The following CGA variants were observed in gnomAD, a reference collection of about 807,000 sequenced individuals.
CGA encodes the protein glycoprotein hormones alpha chain.
In CGA, 4 loss-of-function variants were observed where a neutral mutation model predicts 12.0. The ratio of observed to expected loss-of-function variants is 0.33; its 90% confidence interval spans 0.16 to 0.76. CGA has a LOEUF of 0.76. CGA is among the 30% of genes least tolerant of loss of function. The pLI, the probability that CGA is intolerant of heterozygous loss-of-function variation, is 0.60. For missense variants in CGA, 102 were observed against 143.5 expected (o/e 0.71, Z 1.48); for synonymous variants, 60 against 56.6 (o/e 1.06, Z -0.27).
Position 87,085,837 on chromosome 6 carries a change from A to C in CGA, c.274-4T>G. 1 of 1,591,582 alleles carries C rather than the reference A, an allele frequency of 6.3e-7. No homozygotes were observed. The highest frequency in any genetic ancestry group is 2.2e-5 in the East Asian group (1 of 44,736). On this transcript the variant is annotated splice_region_variant and splice_polypyrimidine_tract_variant and intron_variant, in intron 3 of 3. Transcript: ENST00000627148. The stretch of plus-strand genomic sequence containing the variant: ...TGAAACCCCCCATTACTGTGACCTA[A>C]AGGGGAAGGAAAAAAAAACATATTA...
At chr6:87,091,880 A>G (rs1769438769) in intron 1 of CGA, among the ~76,000 whole-genome samples, 1 of 152,214 alleles carries the variant, frequency 6.6e-6, no homozygotes, top group Non-Finnish European at 1.5e-5. Flanking sequence ...GTACACGTCT[A>G]TCTCTTCATC....
At position 87,086,253 on chromosome 6, in the gene CGA, G is replaced by A. The variant is rs1472279416; in HGVS notation, c.270C>T (p.Asn90=). 1 of 1,610,740 alleles carries A rather than the reference G, an allele frequency of 6.2e-7. No individual in the cohort carries two copies. The highest frequency in any genetic ancestry group is 8.5e-7 in the Non-Finnish European group (1 of 1,178,764). ...CTGGGGATCTTGAGGTTCTTACCCTGTTATATGATTTAGCTACACAGCAAG... is the reference window on the plus strand; with the variant it reads ...CTGGGGATCTTGAGGTTCTTACCCTATTATATGATTTAGCTACACAGCAAG... The part of the protein sequence containing the change: ...ESTCCVAKSY[N]RVTVMGGFKV... Residue 90 remains asparagine (N), a synonymous_variant, in exon 3 of 4, where the codon AAC becomes AAT. Coordinates refer to ENST00000627148, the MANE Select transcript of CGA (RefSeq NM_000735.4).
intron 1 of CGA, among the ~76,000 whole-genome samples, chr6:87,094,505 T>C (rs940850548): frequency 6.6e-6 from 1 of 152,188 alleles, no homozygotes; most frequent in Non-Finnish European, 1.5e-5. Context: ...AACAACGACA[T>C]TCAAGAAATT....
rs1322084998 is a variant in CGA, at chr6:87,085,851, A to C, written c.274-18T>G. ...ACTGTGACCTAAAGGGGAAGGAAAA[A>C]AAAACATATTATAGATTAGATGATA... On this transcript the variant is annotated intron_variant, in intron 3 of 3. Coordinates refer to ENST00000627148, the MANE Select transcript of CGA (RefSeq NM_000735.4). 1 of 1,532,608 alleles carries C rather than the reference A, an allele frequency of 6.5e-7. No homozygotes were observed. Among genetic ancestry groups the C allele is most frequent in the African/African-American group, 1.4e-5 (1 of 73,300 alleles). The allele number at this position is 1,532,608 out of a possible 1,614,324, so 94.9% of individuals were successfully genotyped here. A position where few individuals can be genotyped will look rare whatever the true frequency, so the allele number is the denominator to read the frequency against.
intron 1 of CGA, among the ~76,000 whole-genome samples, chr6:87,090,437 A>G (rs566409372): frequency 6.6e-5 from 10 of 152,270 alleles, no homozygotes; most frequent in African/African-American, 2.4e-4. Flanking sequence ...AGAGTTTTGC[A>G]AAAGGGTAAA....
intron 1 of CGA, among the ~76,000 whole-genome samples, chr6:87,093,020 A>G (rs964470470): frequency 2.6e-5 from 4 of 151,998 alleles, no homozygotes; most frequent in Non-Finnish European, 5.9e-5. Context: ...CTCAAGTGAT[A>G]TCCCCGGCTC....
chr6:87,088,100 T>C lies in CGA; in HGVS notation c.88+13A>G. 1 of 1,546,812 alleles carries C rather than the reference T, an allele frequency of 6.5e-7. No individual in the cohort carries two copies. The highest frequency in any genetic ancestry group is 1.2e-5 in the South Asian group (1 of 82,220). The stretch of plus-strand genomic sequence containing the variant: ...TTGTCCTTATTACTTGAACCACAAA[T>C]TTGGTCACGCACCCTGCACATCAGG... On this transcript the variant is annotated intron_variant, in intron 2 of 3. Coordinates refer to ENST00000627148, the MANE Select transcript of CGA (RefSeq NM_000735.4).
intron 3 of CGA, 40 bp downstream of exon 3, chr6:87,086,210 T>G: frequency 1.3e-6 from 2 of 1,550,544 alleles, no homozygotes; most frequent in East Asian, 2.2e-5. Context: ...TTTCTCTGAT[T>G]GGGCTGTTAG....
chr6:87,092,860 A>G (rs1769467067), intron 1 of CGA, among the ~76,000 whole-genome samples: 1 of 146,766 alleles, frequency 6.8e-6, no homozygotes, highest in Non-Finnish European at 1.5e-5. Flanking sequence ...TGATCCTCCC[A>G]TCTTAGCCTC....
At chr6:87,094,669 AT>A (rs1769503676) in intron 1 of CGA, among the ~76,000 whole-genome samples, 1 of 152,220 alleles carries the variant, frequency 6.6e-6, no homozygotes, top group African/African-American at 2.4e-5. Context: ...CAATATCATA[AT>A]GTCTACTTGC....
In CGA at chr6:87,085,774, A is replaced by G; in HGVS notation, c.333T>C (p.Cys111=). The G allele has an allele frequency of 6.2e-7, 1 of 1,611,588 alleles. No homozygotes were observed. Among genetic ancestry groups the G allele is most frequent in the Non-Finnish European group, 8.5e-7 (1 of 1,177,904 alleles). ...AAAACATTTAAGATTTGTGATAATA[A>G]CAAGTACTGCAGTGGCACGCCGTGT... The part of the protein sequence containing the change: ...ENHTACHCST[C]YYHKS The change falls in exon 4 of 4, where the codon TGT becomes TGC. Residue 111 remains cysteine, a synonymous_variant. Coordinates refer to ENST00000627148, the MANE Select transcript of CGA (RefSeq NM_000735.4).
At chr6:87,088,237 A>AC (rs548785071) in intron 1 of CGA, 30 bp from the exon 2 acceptor site, 2 of 398,522 alleles carry the variant, frequency 5.0e-6, no homozygotes, top group South Asian at 7.2e-5. Context: ...AAAAAAAAAA[A>AC]CAAAAAACAG....
intron 1 of CGA, chr6:87,088,936 CTT>C (rs1313388990): frequency 6.6e-6 from 1 of 152,112 alleles, no homozygotes; most frequent in African/African-American, 2.4e-5. Context: ...TCACACAAAA[CTT>C]ATATATAAAT....
intron 2 of CGA, among the ~76,000 whole-genome samples, chr6:87,086,992 T>G (rs1313803776): frequency 6.6e-6 from 1 of 151,772 alleles, no homozygotes; most frequent in Admixed American, 6.6e-5. Context: ...GGCAGAAGAA[T>G]CACTAGAACC....
At chr6:87,088,846 G>A (rs1769378146) in intron 1 of CGA, 1 of 152,170 alleles carries the variant, frequency 6.6e-6, no homozygotes, top group South Asian at 2.1e-4. Flanking sequence ...GGCAGTTTCT[G>A]ATAAAACTAA....
At position 87,092,311 on chromosome 6, in the gene CGA, C is replaced by T. The variant is rs1374644437; in HGVS notation, c.-8+2702G>A. Among the ~76,000 whole-genome samples, 9 of 152,114 alleles carry T rather than the reference C, an allele frequency of 5.9e-5. No homozygotes were observed. The East Asian group carries it at 1.7e-3, about 29-fold the overall frequency. ...GTACCCCATTTCATCTACATAGGCC[C>T]TTGACTGCTTAGATCAGGAATATAG... On this transcript the variant is annotated intron_variant, in intron 1 of 3. Coordinates refer to ENST00000627148, the MANE Select transcript of CGA (RefSeq NM_000735.4).
intron 2 of CGA, among the ~76,000 whole-genome samples, chr6:87,086,856 T>C (rs1467688037): frequency 6.6e-6 from 1 of 152,028 alleles, no homozygotes; most frequent in Non-Finnish European, 1.5e-5. Flanking sequence ...GGCAGGTGGA[T>C]CACCAGAGGT....
rs749409684 is a variant in CGA at position 87,085,878 on chromosome 6, A to G, written c.274-45T>C. 15 of 1,267,918 alleles carry G rather than the reference A, an allele frequency of 1.2e-5. No homozygotes were observed. The South Asian group carries it at 1.7e-4, about 15-fold the overall frequency. The allele number at this position is 1,267,918 out of a possible 1,614,324, so 78.5% of individuals were successfully genotyped here. A position where few individuals can be genotyped will look rare whatever the true frequency, so the allele number is the denominator to read the frequency against. ...AAACATATTATAGATTAGATGATAG[A>G]TAGATAGATAGAGACAAAATTGAAG... On this transcript the variant is annotated intron_variant, in intron 3 of 3. Coordinates refer to ENST00000627148, the MANE Select transcript of CGA (RefSeq NM_000735.4).
At position 87,085,537 on chromosome 6, in the gene CGA, A is replaced by G; in HGVS notation, c.*219T>C. 3 of 463,626 alleles carry G rather than the reference A, an allele frequency of 6.5e-6. No homozygotes were observed. The highest frequency in any genetic ancestry group is 7.8e-6 in the Non-Finnish European group (2 of 254,966). 28.7% of individuals were successfully genotyped at this position (463,626 alleles called of 1,614,324 possible). The stretch of plus-strand genomic sequence containing the variant: ...AAAAGGCTTTATTTGCAGTGGAACA[A>G]GCTAAATGCTGTATTCATTCCAAAT... On this transcript the variant is annotated 3_prime_UTR_variant, in exon 4 of 4. Coordinates refer to ENST00000627148, the MANE Select transcript of CGA (RefSeq NM_000735.4).
Sources: gnomAD v4.1 joint callset for allele counts (sites outside exome capture counted in the v4.1 genomes callset) on GRCh38, gnomAD v4.1.1 for gene constraint, MANE v1.5 for transcripts, NCBI Gene and HGNC (gene_info 2026-07-23, HGNC 2026-07-21) for gene names.